AAK1: variants seen among roughly 807,000 people sequenced by gnomAD.
AAK1 encodes AP2-associated protein kinase 1.
AAK1 carries 37 observed loss-of-function variants against 116.0 expected under a neutral mutation model. The ratio of observed to expected loss-of-function variants is 0.32; its 90% confidence interval spans 0.25 to 0.42. The LOEUF (loss-of-function observed/expected upper bound fraction) is 0.42. Among genes scored for constraint, AAK1 ranks in the 10% least tolerant of loss-of-function variants. The pLI, the probability that AAK1 is intolerant of heterozygous loss-of-function variation, is 1.00. For synonymous variants in AAK1, 458 were observed against 439.9 expected, an observed-to-expected ratio of 1.04 and a Z score of -0.51; for missense variants, 919 against 1,170.6, an observed-to-expected ratio of 0.79 and a Z score of 3.14.
chr2:69,629,269 C>A (rs1229509244), intron 2 of AAK1, among the ~76,000 whole-genome samples: 2 of 152,190 alleles, frequency 1.3e-5, no homozygotes, highest in African/African-American at 2.4e-5. Context: ...CAGGCCAATG[C>A]CAATCATCAA....
chr2:69,479,103 A>C, intron 19 of AAK1, 42 bp from the exon 20 acceptor site: 1 of 1,306,212 alleles, frequency 7.7e-7, no homozygotes, highest in Middle Eastern at 1.8e-4. Context: ...TGATGGCATT[A>C]AGTGGCACAC....
rs1291987547 is a variant in AAK1 at position 69,471,920 on chromosome 2, T to C, written c.*3949A>G. On this transcript the variant is annotated 3_prime_UTR_variant, in exon 22 of 22. Transcript: ENST00000409085. The stretch of plus-strand genomic sequence containing the variant: ...TATTAATAATAAAACAAATATTACA[T>C]CTTGAGAAAGTAGTTCGTTTCTTGG... 18 of 985,198 alleles carry C rather than the reference T, an allele frequency of 1.8e-5. No homozygotes were observed. Among genetic ancestry groups the C allele is most frequent in the East Asian group, 1.1e-4 (1 of 8,838 alleles). 61.0% of individuals were successfully genotyped at this position (985,198 alleles called of 1,614,324 possible).
Position 69,467,777 on chromosome 2 carries a change from A to G in AAK1, c.*8092T>C. 1 of 985,442 alleles carries G rather than the reference A, an allele frequency of 1.0e-6. No homozygotes were observed. Among genetic ancestry groups the G allele is most frequent in the Non-Finnish European group, 1.2e-6 (1 of 829,922 alleles). The allele number at this position is 985,442 out of a possible 1,614,324, so 61.0% of individuals were successfully genotyped here. A position where few individuals can be genotyped will look rare whatever the true frequency, so the allele number is the denominator to read the frequency against. On this transcript the variant is annotated 3_prime_UTR_variant, in exon 22 of 22. Coordinates refer to ENST00000409085, the MANE Select transcript of AAK1 (RefSeq NM_014911.5). ...TCTGCATGAATTAAGCACACAGACC[A>G]CAGCAGAAGAGGCATTAAAATCAGT...
intron 2 of AAK1, among the ~76,000 whole-genome samples, chr2:69,566,942 A>T (rs911178761): frequency 6.6e-6 from 1 of 152,156 alleles, no homozygotes; most frequent in Non-Finnish European, 1.5e-5. Context: ...ATGTAGAGAG[A>T]TATGCTGAAA....
intron 2 of AAK1, among the ~76,000 whole-genome samples, chr2:69,624,944 A>C (rs1004963918): frequency 2.6e-5 from 4 of 152,230 alleles, no homozygotes; most frequent in African/African-American, 9.6e-5. Flanking sequence ...GATTGCAAGC[A>C]AAAAAGAAAA....
In AAK1 at chr2:69,498,839, G is replaced by A. The variant is rs368572214; in HGVS notation, c.2270-2759C>T. ...CCAGTGCCCCAGGCCCAGATATGGA[G>A]GTGGTGGCATGTGTGATGCTTACCA... On this transcript the variant is annotated intron_variant, in intron 16 of 21. Transcript: ENST00000409085. Among the ~76,000 whole-genome samples the A allele has an allele frequency of 1.1e-3, 174 of 152,348 alleles. 2 individuals are homozygous for A. Among genetic ancestry groups the A allele is most frequent in the Middle Eastern group, 3.4e-3 (1 of 294 alleles).
intron 2 of AAK1, among the ~76,000 whole-genome samples, chr2:69,582,609 A>C (rs1294247012): frequency 2.0e-5 from 3 of 152,194 alleles, no homozygotes; most frequent in African/African-American, 7.2e-5. Context: ...CCCACATTCT[A>C]AATGGCTATT....
At chr2:69,493,491 G>C (rs115169248) in intron 17 of AAK1, among the ~76,000 whole-genome samples, 1 of 152,084 alleles carries the variant, frequency 6.6e-6, no homozygotes, top group South Asian at 2.1e-4. Context: ...CTGGTGCCTG[G>C]GAGCTGGGAC....
At chr2:69,512,523 T>C (rs1676431154) in intron 13 of AAK1, among the ~76,000 whole-genome samples, 1 of 152,200 alleles carries the variant, frequency 6.6e-6, no homozygotes, top group Non-Finnish European at 1.5e-5. Context: ...GCAATAAACA[T>C]CTAGGGCAAA....
intron 16 of AAK1, among the ~76,000 whole-genome samples, chr2:69,497,858 G>A (rs1675810607): frequency 6.6e-6 from 1 of 152,132 alleles, no homozygotes; most frequent in Non-Finnish European, 1.5e-5. Context: ...ACCGACTCCA[G>A]CACAGTACCG....
At chr2:69,527,430 T>C in intron 8 of AAK1, 111 bp from the exon 9 acceptor site, 1 of 721,794 alleles carries the variant, frequency 1.4e-6, no homozygotes, top group African/African-American at 1.8e-5. Flanking sequence ...CTTTTATTTT[T>C]CATAGAAGTC....
chr2:69,504,673 G>A (rs994570938), intron 16 of AAK1, among the ~76,000 whole-genome samples: 6 of 150,962 alleles, frequency 4.0e-5, no homozygotes, highest in Admixed American at 1.3e-4. Flanking sequence ...AGGCTGAGGC[G>A]GGAGAATCAC....
chr2:69,472,113 A>C lies in AAK1; in HGVS notation c.*3756T>G. ...CATTCTAAAGACTAAGGAATCACAG[A>C]AGTTTCCTTATTCAGAAAATTACAG... On this transcript the variant is annotated 3_prime_UTR_variant, in exon 22 of 22. Transcript: ENST00000409085. The C allele has an allele frequency of 1.0e-6, 1 of 982,456 alleles. No individual in the cohort carries two copies. Among genetic ancestry groups the C allele is most frequent in the Non-Finnish European group, 1.2e-6 (1 of 827,216 alleles). The allele number at this position is 982,456 out of a possible 1,614,324, so 60.9% of individuals were successfully genotyped here.
chr2:69,616,664 C>G (rs76298394), intron 2 of AAK1, among the ~76,000 whole-genome samples: 4,704 of 152,222 alleles, frequency 0.031, 240 homozygotes, highest in African/African-American at 0.11. Flanking sequence ...TAGCCCTTTC[C>G]TAGGTGTGAC....
chr2:69,636,201 T>A (rs934201327), intron 2 of AAK1, among the ~76,000 whole-genome samples: 14 of 150,324 alleles, frequency 9.3e-5, no homozygotes, highest in African/African-American at 2.0e-4. Context: ...AGATTTCTAC[T>A]AAAAAAAAAC....
At chr2:69,517,641 C>T (rs1323869678) in intron 12 of AAK1, among the ~76,000 whole-genome samples, 1 of 151,706 alleles carries the variant, frequency 6.6e-6, no homozygotes, top group Non-Finnish European at 1.5e-5. Flanking sequence ...GAGTAAGCCT[C>T]GAGAAATTAC....
intron 2 of AAK1, among the ~76,000 whole-genome samples, chr2:69,574,942 T>C (rs1265843143): frequency 6.8e-6 from 1 of 147,746 alleles, no homozygotes; most frequent in Non-Finnish European, 1.5e-5. Flanking sequence ...GAACTATCAT[T>C]GTGCCACTGC....
intron 2 of AAK1, among the ~76,000 whole-genome samples, chr2:69,623,556 TG>T: frequency 6.6e-6 from 1 of 152,166 alleles, no homozygotes; most frequent in Non-Finnish European, 1.5e-5. Context: ...CTGTGGCTCA[TG>T]ACTGTAAGCA....
chr2:69,638,082 C>G (rs1675528442), intron 2 of AAK1, among the ~76,000 whole-genome samples: 1 of 152,172 alleles, frequency 6.6e-6, no homozygotes. Context: ...CACAAACCAC[C>G]CCCTGAAAAT....
Sources: allele counts gnomAD v4.1 joint callset (sites outside exome capture counted in the v4.1 genomes callset), GRCh38; gene constraint gnomAD v4.1.1; transcripts MANE v1.5; gene names NCBI Gene and HGNC (gene_info 2026-07-23, HGNC 2026-07-21).